The following TIAM2 variants were observed in gnomAD, a reference collection of about 807,000 sequenced individuals.
The protein encoded by TIAM2 is rho guanine nucleotide exchange factor TIAM2.
Under a neutral mutation model 152.9 loss-of-function variants are expected in TIAM2, and 80 were observed. The ratio of observed to expected loss-of-function variants is 0.52; its 90% CI spans 0.44 to 0.63. The LOEUF (loss-of-function observed/expected upper bound fraction) is 0.63. Among genes scored for constraint, TIAM2 ranks in the 30% least tolerant of loss-of-function variants. The pLI, the probability that TIAM2 is intolerant of heterozygous loss-of-function variation, is 0.00. For synonymous variants in TIAM2, 804 were observed against 838.0 expected (o/e 0.96, Z 0.70); for missense variants, 1,965 against 2,120.1 (o/e 0.93, Z 1.44).
At chr6:155,112,817 A>T (rs1378297020) in intron 2 of TIAM2, among the ~76,000 whole-genome samples, 1 of 152,076 alleles carries the variant, frequency 6.6e-6, no homozygotes, top group Non-Finnish European at 1.5e-5. Flanking sequence ...CCTGCCCTCG[A>T]GTCCTGCTGG....
chr6:154,997,007 C>G (rs1242838299), intron 1 of TIAM2, among the ~76,000 whole-genome samples: 2 of 151,368 alleles, frequency 1.3e-5, no homozygotes, highest in East Asian at 3.9e-4. Context: ...ACATACCATA[C>G]TAAGATGCTT....
chr6:155,045,795 T>A (rs1777160443), intron 1 of TIAM2, among the ~76,000 whole-genome samples: 15 of 149,434 alleles, frequency 1.0e-4, no homozygotes, highest in Admixed American at 1.0e-3. Flanking sequence ...CCTTAACTCT[T>A]CTCCAACTTT....
At chr6:155,136,280 GTTA>G (rs1779553044) in intron 4 of TIAM2, among the ~76,000 whole-genome samples, 1 of 150,950 alleles carries the variant, frequency 6.6e-6, no homozygotes, top group Admixed American at 6.6e-5. Flanking sequence ...TATTATTATT[GTTA>G]TTATTTTTGA....
intron 16 of TIAM2, among the ~76,000 whole-genome samples, chr6:155,242,294 ACAC>A (rs1783073034): frequency 6.6e-6 from 1 of 152,240 alleles, no homozygotes; most frequent in Non-Finnish European, 1.5e-5. Flanking sequence ...ATTCACACAC[ACAC>A]CACCGTTTCT....
In TIAM2 at chr6:155,254,405, C is replaced by T. The variant is rs536446786; in HGVS notation, c.4314-14C>T. Reference sequence around the variant, plus strand: ...TGTGGACACTTCTGCTGTTTTCTCTCCCCCCCCACCCAGTGACAGTGAAAG... The same window carrying T: ...TGTGGACACTTCTGCTGTTTTCTCTTCCCCCCCACCCAGTGACAGTGAAAG... On this transcript the variant is annotated splice_polypyrimidine_tract_variant and intron_variant, in intron 25 of 26. Coordinates refer to ENST00000682666, the MANE Select transcript of TIAM2 (RefSeq NM_012454.4). The T allele has an allele frequency of 3.1e-5, 48 of 1,559,744 alleles. No individual in the cohort carries two copies. Among genetic ancestry groups the T allele is most frequent in the Non-Finnish European group, 3.9e-5 (44 of 1,138,458 alleles).
In TIAM2 at chr6:155,164,603, A is replaced by G. The variant is rs751888666; in HGVS notation, c.2214+3A>G. Reference sequence around the variant, plus strand: ...CTGTTTCCTCTTTCCATGCTCTGGTAAGTTCCTGAGGAAGGCTGTTTCTGC... The same window carrying G: ...CTGTTTCCTCTTTCCATGCTCTGGTGAGTTCCTGAGGAAGGCTGTTTCTGC... On this transcript the variant is annotated splice_donor_region_variant and intron_variant, in intron 8 of 26. Coordinates refer to ENST00000682666, the MANE Select transcript of TIAM2 (RefSeq NM_012454.4). 9.3e-6 allele frequency: 15 copies of G among 1,607,822 alleles called. No homozygotes were observed. In the South Asian group the frequency reaches 1.4e-4, roughly 15 times the overall value.
chr6:155,167,606 C>G (rs1479560263), intron 9 of TIAM2, among the ~76,000 whole-genome samples: 1 of 152,146 alleles, frequency 6.6e-6, no homozygotes, highest in African/African-American at 2.4e-5. Flanking sequence ...TGACTGTAGT[C>G]AACTGCAAAC....
intron 15 of TIAM2, among the ~76,000 whole-genome samples, chr6:155,235,534 G>A (rs12663896): frequency 0.64 from 98,000 of 152,146 alleles, 32,764 homozygotes; most frequent in Middle Eastern, 0.7. Context: ...ATCACGAACA[G>A]TGGGTGAACT....
Position 155,196,173 on chromosome 6 carries a change from C to T in TIAM2, c.3064+12673C>T, listed in dbSNP as rs151040316. On this transcript the variant is annotated intron_variant, in intron 14 of 26. Transcript: ENST00000682666. The stretch of plus-strand genomic sequence containing the variant: ...GTGGTGGCAGTGGCAGTAGAGCCAA[C>T]AGAGCTCGCCCAGAGACTGGAAGGA... Among the ~76,000 whole-genome samples, 1,046 of 152,232 alleles carry T rather than the reference C, an allele frequency of 6.9e-3. 13 individuals are homozygous for T. The highest frequency in any genetic ancestry group is 0.023 in the African/African-American group (944 of 41,520).
chr6:155,210,874 G>C (rs1781702315), intron 14 of TIAM2, among the ~76,000 whole-genome samples: 1 of 152,172 alleles, frequency 6.6e-6, no homozygotes. Flanking sequence ...CTGTTTGATT[G>C]TAGGTCCAAA....
At chr6:155,140,573 T>TGTGAGAGAGA (rs1331424200) in intron 5 of TIAM2, among the ~76,000 whole-genome samples, 41 of 107,460 alleles carry the variant, frequency 3.8e-4, no homozygotes, top group African/African-American at 1.3e-3. Flanking sequence ...TGTGTGTGTG[T>TGTGAGAGAGA]GAGAGAGAGA....
In TIAM2 at chr6:155,252,851, G is replaced by A. The variant is rs942624571; in HGVS notation, c.4120-97G>A. On this transcript the variant is annotated intron_variant, in intron 23 of 26. Coordinates refer to ENST00000682666, the MANE Select transcript of TIAM2 (RefSeq NM_012454.4). The stretch of plus-strand genomic sequence containing the variant: ...CACCCACATGGCTGCTCGGAGACTC[G>A]CCCACAGGGAGAACATAAACTTCTA... The A allele has an allele frequency of 8.9e-6, 10 of 1,125,114 alleles. No homozygotes were observed. The African/African-American group carries it at 9.3e-5, about 10-fold the overall frequency. 69.7% of individuals were successfully genotyped at this position (1,125,114 alleles called of 1,614,324 possible). A position where few individuals can be genotyped will look rare whatever the true frequency, so the allele number is the denominator to read the frequency against.
chr6:155,055,195 G>A (rs1409954471), intron 1 of TIAM2, among the ~76,000 whole-genome samples: 1 of 152,116 alleles, frequency 6.6e-6, no homozygotes, highest in African/African-American at 2.4e-5. Context: ...TCTGGGCCAC[G>A]TATATTTTCT....
chr6:155,109,040 A>G (rs375942579), intron 2 of TIAM2, among the ~76,000 whole-genome samples: 87 of 152,040 alleles, frequency 5.7e-4, no homozygotes, highest in African/African-American at 1.7e-3. Flanking sequence ...CTGGAGTGCA[A>G]TGGCGCGATC....
At chr6:155,004,105 A>G (rs1289678097) in intron 1 of TIAM2, among the ~76,000 whole-genome samples, 1 of 152,166 alleles carries the variant, frequency 6.6e-6, no homozygotes, top group Non-Finnish European at 1.5e-5. Context: ...TGAACTCCTG[A>G]CCTCAGGTGA....
intron 1 of TIAM2, among the ~76,000 whole-genome samples, chr6:155,024,741 T>C (rs896826719): frequency 6.6e-6 from 1 of 152,196 alleles, no homozygotes; most frequent in Admixed American, 6.5e-5. Flanking sequence ...GGATTTCATT[T>C]TACTGAGCAA....
At chr6:155,127,750 G>A (rs1334497909) in intron 3 of TIAM2, 150 bp downstream of exon 3, 2 of 386,106 alleles carry the variant, frequency 5.2e-6, no homozygotes, top group East Asian at 7.2e-5. Context: ...TTTAACTTCT[G>A]TTTTGTGGCT....
At chr6:155,240,400 C>T (rs1583277188) in intron 15 of TIAM2, 130 bp from the exon 16 acceptor site, 1 of 915,092 alleles carries the variant, frequency 1.1e-6, no homozygotes, top group South Asian at 2.3e-5. Context: ...GAATGAAACC[C>T]TTTGCCCTAC....
At chr6:155,006,435 G>T (rs551383449) in intron 1 of TIAM2, among the ~76,000 whole-genome samples, 1 of 151,762 alleles carries the variant, frequency 6.6e-6, no homozygotes, top group Non-Finnish European at 1.5e-5. Context: ...TTGGGAGGCT[G>T]AGGTGGGTGG....
Sources: gnomAD v4.1 joint callset for allele counts (sites outside exome capture counted in the v4.1 genomes callset) on GRCh38, gnomAD v4.1.1 for gene constraint, MANE v1.5 for transcripts, NCBI Gene and HGNC (gene_info 2026-07-23, HGNC 2026-07-21) for gene names.